The following USP43 variants were observed in gnomAD, a reference collection of about 807,000 sequenced individuals.
USP43 encodes the protein ubiquitin carboxyl-terminal hydrolase 43.
Under a neutral mutation model 90.7 loss-of-function variants are expected in USP43, and 33 were observed. The ratio of observed to expected loss-of-function variants is 0.36; its 90% CI spans 0.28 to 0.49. USP43 has a LOEUF of 0.49. USP43 is among the 20% of genes least tolerant of loss of function. The pLI is 0.98. For synonymous variants in USP43, 598 were observed against 615.8 expected (o/e 0.97, Z 0.43); for missense variants, 1,274 against 1,476.4 (o/e 0.86, Z 2.25).
intron 8 of USP43, among the ~76,000 whole-genome samples, chr17:9,689,529 A>G (rs919517103): frequency 2.6e-5 from 4 of 151,798 alleles, no homozygotes; most frequent in Admixed American, 6.6e-5. Context: ...CTCCCACCTC[A>G]TCCTTGCAAG....
chr17:9,668,185 G>A (rs956420754), intron 3 of USP43, among the ~76,000 whole-genome samples: 3 of 152,206 alleles, frequency 2.0e-5, no homozygotes, highest in African/African-American at 7.2e-5. Flanking sequence ...TCTCCGAGTC[G>A]TCTGGATAAT....
intron 2 of USP43, among the ~76,000 whole-genome samples, chr17:9,666,254 T>C (rs575405664): frequency 4.6e-5 from 7 of 152,172 alleles, no homozygotes; most frequent in Non-Finnish European, 7.4e-5. Context: ...GGTGGAGAGA[T>C]TTGGTGTGGA....
At chr17:9,702,160 A>G (rs1448799578) in intron 12 of USP43, among the ~76,000 whole-genome samples, 1 of 152,120 alleles carries the variant, frequency 6.6e-6, no homozygotes, top group East Asian at 1.9e-4. Context: ...CAGGGGTTCA[A>G]GACCAGCCTA....
At chr17:9,648,346 G>C (rs1373906657) in intron 1 of USP43, among the ~76,000 whole-genome samples, 1 of 152,200 alleles carries the variant, frequency 6.6e-6, no homozygotes, top group East Asian at 1.9e-4. Flanking sequence ...AATATTTATT[G>C]AATGTCCAGA....
At chr17:9,685,165 A>T (rs1914530197) in intron 7 of USP43, among the ~76,000 whole-genome samples, 1 of 152,218 alleles carries the variant, frequency 6.6e-6, no homozygotes. Flanking sequence ...GTCCAGACAG[A>T]TCACCTCATA....
Position 9,693,081 on chromosome 17 carries a change from A to G in USP43, c.1354-46A>G, listed in dbSNP as rs182515802. The G allele has an allele frequency of 1.0e-4, 148 of 1,456,550 alleles. 1 individual carries two copies. The African/African-American group carries it at 1.8e-3, about 18-fold the overall frequency. 90.2% of individuals were successfully genotyped at this position (1,456,550 alleles called of 1,614,324 possible). A position where few individuals can be genotyped will look rare whatever the true frequency, so the allele number is the denominator to read the frequency against. ...GCCCCTTTAGAGTCTAATTTAAATC[A>G]ATATAGGGGCTACGTAATGATCCAT... On this transcript the variant is annotated intron_variant, in intron 8 of 14. Transcript: ENST00000285199.
At chr17:9,651,187 GT>G (rs749060091) in intron 1 of USP43, among the ~76,000 whole-genome samples, 2 of 148,520 alleles carry the variant, frequency 1.3e-5, no homozygotes, top group South Asian at 2.2e-4. Context: ...TTTTTTGTTT[GT>G]TTTTTTTGTT....
At chr17:9,651,072 A>T (rs890860732) in intron 1 of USP43, among the ~76,000 whole-genome samples, 3 of 152,118 alleles carry the variant, frequency 2.0e-5, no homozygotes, top group African/African-American at 7.2e-5. Flanking sequence ...AAACTTGCAA[A>T]AATAGTTTTT....
Position 9,703,622 on chromosome 17 carries a change from AAG to A in USP43, c.2011+1925_2011+1926del, listed in dbSNP as rs201963471. ...AGCAAAGGGAGAGGAGCCCAAGGGA[AAG>A]AGGGGACTGGCGAGGCGGTAGGCAG... is the stretch of plus-strand genomic sequence containing the variant. On this transcript the variant is annotated intron_variant, in intron 12 of 14. Transcript: ENST00000285199. Among the ~76,000 whole-genome samples, 783 of 152,314 alleles carry A rather than the reference AAG, an allele frequency of 5.1e-3. 6 individuals carry two copies. The highest frequency in any genetic ancestry group is 8.2e-3 in the Non-Finnish European group (558 of 68,008).
intron 1 of USP43, among the ~76,000 whole-genome samples, chr17:9,647,322 A>G (rs759963690): frequency 6.6e-6 from 1 of 152,242 alleles, no homozygotes; most frequent in South Asian, 2.1e-4. Flanking sequence ...TGCAGCAGCC[A>G]GTGGGTCAAA....
chr17:9,715,566 CTCTGTGTGTGTG>C (rs1916462705), intron 14 of USP43, among the ~76,000 whole-genome samples: 2 of 143,942 alleles, frequency 1.4e-5, no homozygotes, highest in African/African-American at 5.3e-5. Context: ...GTGTGTGTGT[CTCTGTGTGTGTG>C]TCTGTGTGTT....
intron 7 of USP43, among the ~76,000 whole-genome samples, chr17:9,684,159 TAAAAAA>T (rs1463923769): frequency 6.6e-6 from 1 of 151,532 alleles, no homozygotes; most frequent in Non-Finnish European, 1.5e-5. Flanking sequence ...AAATAAAAAA[TAAAAAA>T]TAAATTAATA....
intron 8 of USP43, 89 bp from the exon 9 acceptor site, chr17:9,693,038 A>T: frequency 1.1e-6 from 1 of 897,730 alleles, no homozygotes; most frequent in Non-Finnish European, 1.7e-6. Context: ...AATAATGATT[A>T]TATTTTTTAA....
intron 3 of USP43, among the ~76,000 whole-genome samples, chr17:9,670,186 G>T (rs1597830876): frequency 1.3e-5 from 2 of 151,960 alleles, no homozygotes; most frequent in African/African-American, 4.8e-5. Context: ...CTACAGGCGT[G>T]TGCCACCATG....
At chr17:9,712,538 G>C (rs1054916590) in intron 14 of USP43, among the ~76,000 whole-genome samples, 13 of 152,256 alleles carry the variant, frequency 8.5e-5, no homozygotes, top group Middle Eastern at 6.8e-3. Context: ...AGCTCTGAGT[G>C]AGAGAGAGTG....
intron 3 of USP43, among the ~76,000 whole-genome samples, chr17:9,672,377 G>A (rs942876719): frequency 6.6e-6 from 1 of 152,168 alleles, no homozygotes; most frequent in African/African-American, 2.4e-5. Flanking sequence ...GCTGATAGGA[G>A]TTGGTGGCTC....
intron 14 of USP43, among the ~76,000 whole-genome samples, chr17:9,725,541 A>G (rs988497906): frequency 6.6e-6 from 1 of 152,102 alleles, no homozygotes; most frequent in African/African-American, 2.4e-5. Flanking sequence ...CTTATTTCTC[A>G]ATTTTATTAA....
In USP43 at chr17:9,693,690, T is replaced by C. The variant is rs537489944; in HGVS notation, c.1457+460T>C. Among the ~76,000 whole-genome samples the C allele has an allele frequency of 6.6e-5, 10 of 151,996 alleles. 1 individual carries two copies. Among genetic ancestry groups the C allele is most frequent in the African/African-American group, 2.2e-4 (9 of 41,470 alleles). On this transcript the variant is annotated intron_variant, in intron 9 of 14. Coordinates refer to ENST00000285199, the MANE Select transcript of USP43 (RefSeq NM_153210.5). ...ATCTCTACTAAAAATACAAAAAAAT[T>C]AGCCGGTCGTGGTAGCACGCGCCTA... is the stretch of plus-strand genomic sequence containing the variant.
At chr17:9,710,704 C>T (rs1916142394) in intron 13 of USP43, among the ~76,000 whole-genome samples, 3 of 151,938 alleles carry the variant, frequency 2.0e-5, no homozygotes, top group Admixed American at 1.3e-4. Flanking sequence ...GACGGGGTTT[C>T]ACCATGTTGG....
Sources: gnomAD v4.1 joint callset for allele counts (sites outside exome capture counted in the v4.1 genomes callset) on GRCh38, gnomAD v4.1.1 for gene constraint, MANE v1.5 for transcripts, NCBI Gene and HGNC (gene_info 2026-07-23, HGNC 2026-07-21) for gene names.